RGS9: variants seen among roughly 807,000 people sequenced by gnomAD.
RGS9 encodes regulator of G protein signaling 9, also known as regulator of G-protein signalling 9.
In RGS9, 78 loss-of-function variants were observed where a neutral mutation model predicts 102.0. The observed-to-expected ratio is 0.76, with a 90% CI of 0.64 to 0.92. The LOEUF is 0.92. Among genes scored for constraint, RGS9 ranks in the 40% least tolerant of loss-of-function variants. The probability of loss-of-function intolerance (pLI) is 0.00; values close to 1 mark genes in which losing one functional copy is unlikely to be tolerated. For synonymous variants in RGS9, 353 were observed against 318.6 expected (o/e 1.11, Z -1.15); for missense variants, 833 against 866.1 (o/e 0.96, Z 0.48).
intron 14 of RGS9, among the ~76,000 whole-genome samples, chr17:65,202,408 G>GGGGTGTGT (rs1555616145): frequency 1.4e-4 from 18 of 132,340 alleles, no homozygotes; most frequent in African/African-American, 3.7e-4. Context: ...TGTCCTGAGG[G>GGGGTGTGT]GTGTGTGTGT....
At position 65,194,192 on chromosome 17, in the gene RGS9, G is replaced by A. The variant is rs1046516395; in HGVS notation, c.860+536G>A. ...ACGAGCTTTTTTCACTTAGCATCATGTTTTCAAGGTTTACGAATCTTGTAG... is the reference window on the plus strand; with the variant it reads ...ACGAGCTTTTTTCACTTAGCATCATATTTTCAAGGTTTACGAATCTTGTAG... On this transcript the variant is annotated intron_variant, in intron 12 of 18. Transcript: ENST00000262406. Among the ~76,000 whole-genome samples the A allele has an allele frequency of 2.0e-5, 3 of 152,208 alleles. No homozygotes were observed. The South Asian group carries it at 6.2e-4, about 32-fold the overall frequency.
In RGS9 at chr17:65,173,682, C is replaced by A. The variant is rs1319649479; in HGVS notation, c.583-4050C>A. ...TGCCTCCTTATCTGCGGGCCACACA[C>A]CGCAGGATGCATCGGCTGCCCTTAT... On this transcript the variant is annotated intron_variant, in intron 8 of 18. Coordinates refer to ENST00000262406, the MANE Select transcript of RGS9 (RefSeq NM_003835.4). The surrounding 1 kb of genome is among the most constrained non-coding windows in gnomAD (Gnocchi z 4.8). Among the ~76,000 whole-genome samples the A allele has an allele frequency of 1.3e-5, 2 of 152,258 alleles. No individual in the cohort carries two copies. Among genetic ancestry groups the A allele is most frequent in the African/African-American group, 4.8e-5 (2 of 41,470 alleles).
chr17:65,215,546 T>TTCTTTCTTTCTTTC (rs1478824196), intron 17 of RGS9, among the ~76,000 whole-genome samples: 4 of 135,610 alleles, frequency 2.9e-5, no homozygotes, highest in East Asian at 2.0e-4. Context: ...CTTTCTTTCT[T>TTCTTTCTTTCTTTC]TTTTTTTGTT....
In RGS9 at chr17:65,227,368, C is replaced by T; in HGVS notation, c.1986C>T (p.Ala662=). 2 of 1,614,150 alleles carry T rather than the reference C, an allele frequency of 1.2e-6. No homozygotes were observed. Among genetic ancestry groups the T allele is most frequent in the East Asian group, 2.2e-5 (1 of 44,878 alleles). ...DAGTGESGDR[A]TEKEVICPWE... Reference sequence around the variant, plus strand: ...GAACAGGAGAGTCGGGTGACCGGGCCACAGAAAAGGAGGTCATCTGCCCCT... The same window carrying T: ...GAACAGGAGAGTCGGGTGACCGGGCTACAGAAAAGGAGGTCATCTGCCCCT... The change falls in exon 19 of 19, where the codon GCC becomes GCT. Residue 662 remains alanine, a synonymous_variant. Coordinates refer to ENST00000262406, the MANE Select transcript of RGS9 (RefSeq NM_003835.4).
chr17:65,202,408 G>GGT (rs746368093), intron 14 of RGS9, among the ~76,000 whole-genome samples: 15,017 of 131,988 alleles, frequency 0.11, 889 homozygotes, highest in Non-Finnish European at 0.14. Flanking sequence ...TGTCCTGAGG[G>GGT]GTGTGTGTGT....
At chr17:65,160,366 T>C (rs1282223813) in intron 4 of RGS9, 27 bp downstream of exon 4, 1 of 1,585,018 alleles carries the variant, frequency 6.3e-7, no homozygotes, top group Non-Finnish European at 8.7e-7. Context: ...ACCCTGGCTG[T>C]TCATATGGGG....
chr17:65,156,768 C>T (rs1910784829), intron 2 of RGS9, among the ~76,000 whole-genome samples: 1 of 152,206 alleles, frequency 6.6e-6, no homozygotes, highest in Admixed American at 6.5e-5. Context: ...TCTGCCTGCG[C>T]ACCACTGTGT....
At chr17:65,179,635 CTGTGTGTG>C (rs56275900) in intron 9 of RGS9, among the ~76,000 whole-genome samples, 225 of 125,078 alleles carry the variant, frequency 1.8e-3, no homozygotes, top group East Asian at 4.2e-3. Flanking sequence ...TACTGCTCAG[CTGTGTGTG>C]TGTGTGTGTG....
chr17:65,150,387 T>C (rs61344138), intron 1 of RGS9, among the ~76,000 whole-genome samples: 10,014 of 152,178 alleles, frequency 0.066, 1,068 homozygotes, highest in African/African-American at 0.22. Context: ...TTTGGGAGGC[T>C]GAAGCGGGTG....
chr17:65,169,762 G>A (rs1424899227), intron 8 of RGS9, among the ~76,000 whole-genome samples: 1 of 152,074 alleles, frequency 6.6e-6, no homozygotes, highest in African/African-American at 2.4e-5. Context: ...TGGCTGAGTG[G>A]CTCTTCACAG....
At chr17:65,213,122 A>C (rs1913365375) in intron 17 of RGS9, among the ~76,000 whole-genome samples, 1 of 152,032 alleles carries the variant, frequency 6.6e-6, no homozygotes, top group Non-Finnish European at 1.5e-5. Flanking sequence ...GACCAGCTCT[A>C]AACTTCTCTA....
chr17:65,142,574 C>CTTTTT (rs745663576), intron 1 of RGS9, among the ~76,000 whole-genome samples: 28 of 137,758 alleles, frequency 2.0e-4, no homozygotes, highest in African/African-American at 5.3e-4. Flanking sequence ...CCCTTCCTTT[C>CTTTTT]TTTTTTTTTT....
intron 15 of RGS9, among the ~76,000 whole-genome samples, chr17:65,204,971 C>T (rs1567888232): frequency 1.3e-5 from 2 of 152,114 alleles, no homozygotes; most frequent in African/African-American, 4.8e-5. Context: ...TCTCACCACC[C>T]TGGCCCCAGG....
chr17:65,222,267 C>T (rs965429910), intron 17 of RGS9, among the ~76,000 whole-genome samples: 10 of 152,250 alleles, frequency 6.6e-5, no homozygotes, highest in South Asian at 6.2e-4. Flanking sequence ...CTTCCGATCT[C>T]TCTGCCTTCT....
intron 9 of RGS9, chr17:65,188,573 A>C (rs907933424): frequency 2.6e-5 from 4 of 152,438 alleles, no homozygotes; most frequent in African/African-American, 9.7e-5. Context: ...ACCAACACCC[A>C]AGCTCTGTGC....
intron 13 of RGS9, among the ~76,000 whole-genome samples, chr17:65,199,596 T>A (rs369758607): frequency 3.3e-5 from 5 of 149,354 alleles, no homozygotes; most frequent in African/African-American, 1.2e-4. Context: ...CGGGTTCAAG[T>A]GATTCTCCTG....
rs118127921 is a variant in RGS9 at position 65,189,383 on chromosome 17, T to C, written c.684+68T>C. On this transcript the variant is annotated intron_variant, in intron 10 of 18. Transcript: ENST00000262406. ...TCTAACAGGTTATATGTACTTTGTTTTACCCTCTGCGCTTGGTAATGAAAT... is the reference window on the plus strand; with the variant it reads ...TCTAACAGGTTATATGTACTTTGTTCTACCCTCTGCGCTTGGTAATGAAAT... 2,384 of 1,223,110 alleles carry C rather than the reference T, an allele frequency of 1.9e-3. 14 individuals carry two copies. The East Asian group carries it at 0.021, about 11-fold the overall frequency. The allele number at this position is 1,223,110 out of a possible 1,614,324, so 75.8% of individuals were successfully genotyped here. A position where few individuals can be genotyped will look rare whatever the true frequency, so the allele number is the denominator to read the frequency against.
At chr17:65,187,151 C>T (rs1277770911) in intron 9 of RGS9, among the ~76,000 whole-genome samples, 1 of 151,998 alleles carries the variant, frequency 6.6e-6, no homozygotes, top group Non-Finnish European at 1.5e-5. Context: ...AGAAAATGTC[C>T]CCATTCTTCT....
At chr17:65,214,025 A>T (rs1313223550) in intron 17 of RGS9, among the ~76,000 whole-genome samples, 1 of 152,146 alleles carries the variant, frequency 6.6e-6, no homozygotes, top group Non-Finnish European at 1.5e-5. Context: ...GCAGTGGTGC[A>T]ATCATGGCTC....
Sources: gnomAD v4.1 joint callset for allele counts (sites outside exome capture counted in the v4.1 genomes callset) on GRCh38, gnomAD v4.1.1 for gene constraint, Gnocchi (gnomAD v3.1) non-coding constraint, MANE v1.5 for transcripts, NCBI Gene and HGNC (gene_info 2026-07-23, HGNC 2026-07-21) for gene names.